The following ARHGEF9 variants were observed in gnomAD, a reference collection of about 807,000 sequenced individuals.
ARHGEF9 encodes the protein rho guanine nucleotide exchange factor 9.
A neutral mutation model predicts 41.3 loss-of-function variants in ARHGEF9; 2 were observed. The ratio of observed to expected loss-of-function variants is 0.05; its 90% CI spans 0.02 to 0.15. The LOEUF is 0.15. Ranked by LOEUF, ARHGEF9 falls within the 10% of genes least tolerant of loss-of-function variation. The pLI, the probability that ARHGEF9 is intolerant of heterozygous loss-of-function variation, is 1.00. For missense variants in ARHGEF9, 225 were observed against 424.7 expected, an observed-to-expected ratio of 0.53 and a Z score of 4.13; for synonymous variants, 160 against 154.4, an observed-to-expected ratio of 1.04 and a Z score of -0.27.
chrX:63,715,951 G>A (rs1443632608), intron 2 of ARHGEF9: 4 of 111,969 alleles, frequency 3.6e-5, no homozygotes, highest in Non-Finnish European at 7.5e-5. Context: ...ACTTTAAAAT[G>A]ATTGAAATGG....
intron 8 of ARHGEF9, among the ~76,000 whole-genome samples, chrX:63,645,212 T>A (rs1209137651): frequency 9.0e-6 from 1 of 110,722 alleles, no homozygotes; most frequent in African/African-American, 3.3e-5. Context: ...GAAAATATAC[T>A]CTAAAATGAT....
chrX:63,699,337 C>G (rs1192034285), intron 3 of ARHGEF9, among the ~76,000 whole-genome samples: 1 of 111,669 alleles, frequency 9.0e-6, no homozygotes, highest in Non-Finnish European at 1.9e-5. Context: ...CAGAAGAGGG[C>G]AGCGTAGATA....
chrX:63,783,978 AG>A (rs1280514519), intron 1 of ARHGEF9, among the ~76,000 whole-genome samples: 4 of 112,018 alleles, frequency 3.6e-5, no homozygotes, highest in Non-Finnish European at 5.6e-5. Context: ...ACTCTGAGGA[AG>A]GGAAGAGGAC....
At chrX:63,774,532 C>T (rs1267992327) in intron 1 of ARHGEF9, among the ~76,000 whole-genome samples, 12 of 111,436 alleles carry the variant, frequency 1.1e-4, no homozygotes, top group African/African-American at 3.9e-4. Flanking sequence ...GCCAGAATTA[C>T]AGGCTCCAGC....
chrX:63,700,664 C>T (rs1556394457), intron 3 of ARHGEF9, among the ~76,000 whole-genome samples: 1 of 111,188 alleles, frequency 9.0e-6, no homozygotes, highest in Admixed American at 9.6e-5. Flanking sequence ...GAAAATAGCA[C>T]ACAGCCAGAG....
chrX:63,776,969 G>GACTGTACT (rs1556458931), intron 1 of ARHGEF9, among the ~76,000 whole-genome samples: 1 of 111,676 alleles, frequency 9.0e-6, no homozygotes, highest in East Asian at 2.8e-4. Flanking sequence ...TCAGGGCTGA[G>GACTGTACT]ACTGTACTAC....
At chrX:63,670,785 A>G (rs1279467920) in intron 6 of ARHGEF9, among the ~76,000 whole-genome samples, 3 of 111,789 alleles carry the variant, frequency 2.7e-5, no homozygotes, top group African/African-American at 9.8e-5. Context: ...CATCCATTTG[A>G]TTTTCAGGAG....
chrX:63,755,377 G>A (rs2055897491), intron 1 of ARHGEF9: 4 of 408,404 alleles, frequency 9.8e-6, no homozygotes, highest in African/African-American at 2.6e-5. Context: ...GGGGTGGGGA[G>A]CTTCTTGGGG....
intron 5 of ARHGEF9, among the ~76,000 whole-genome samples, chrX:63,678,036 T>C (rs1205569157): frequency 9.0e-6 from 1 of 111,453 alleles, no homozygotes; most frequent in African/African-American, 3.3e-5. Flanking sequence ...GGTTCGTTTT[T>C]GGATTGATGC....
At chrX:63,767,075 T>C in intron 1 of ARHGEF9, 2 of 998,902 alleles carry the variant, frequency 2.0e-6, no homozygotes, top group Non-Finnish European at 2.8e-6. Context: ...TGATCCACTT[T>C]AACAACCCTA....
chrX:63,704,541 T>C (rs2052403216), intron 3 of ARHGEF9, among the ~76,000 whole-genome samples: 1 of 111,667 alleles, frequency 9.0e-6, no homozygotes, highest in South Asian at 3.7e-4. Flanking sequence ...GCATCAGCCA[T>C]TGATGTGAAG....
chrX:63,724,211 G>A (rs1227890599), intron 2 of ARHGEF9, among the ~76,000 whole-genome samples: 1 of 110,980 alleles, frequency 9.0e-6, no homozygotes, highest in Non-Finnish European at 1.9e-5. Context: ...AGCAATATAG[G>A]GTTAAAAAGT....
chrX:63,782,169 AT>A (rs1169166253), intron 1 of ARHGEF9, among the ~76,000 whole-genome samples: 1 of 111,459 alleles, frequency 9.0e-6, no homozygotes, highest in Non-Finnish European at 1.9e-5. Flanking sequence ...AAAGTGAGGA[AT>A]TTTTTTTCAT....
chrX:63,679,533 GAAT>G (rs1427152920), intron 4 of ARHGEF9, among the ~76,000 whole-genome samples: 1 of 111,372 alleles, frequency 9.0e-6, no homozygotes, highest in Non-Finnish European at 1.9e-5. Context: ...CACATAAAAA[GAAT>G]AATATACCAT....
chrX:63,761,965 T>G (rs782098011), intron 1 of ARHGEF9, among the ~76,000 whole-genome samples: 6 of 111,629 alleles, frequency 5.4e-5, no homozygotes, highest in Non-Finnish European at 1.1e-4. Flanking sequence ...AAAAGCCCCT[T>G]TAGAGGAAGT....
intron 4 of ARHGEF9, among the ~76,000 whole-genome samples, chrX:63,681,968 G>A (rs782280583): frequency 3.1e-4 from 34 of 109,912 alleles, no homozygotes; most frequent in Non-Finnish European, 4.0e-4. Flanking sequence ...AACCTACCAA[G>A]ATTGAATCAA....
chrX:63,651,486 A>G (rs1446508136), intron 8 of ARHGEF9, among the ~76,000 whole-genome samples: 1 of 111,634 alleles, frequency 9.0e-6, no homozygotes, highest in Non-Finnish European at 1.9e-5. Flanking sequence ...TAAATGATTT[A>G]TTTAATAAAT....
intron 6 of ARHGEF9, chrX:63,670,296 A>G (rs1556353719): frequency 9.0e-6 from 1 of 111,706 alleles, no homozygotes; most frequent in East Asian, 2.8e-4. Flanking sequence ...TCCCAGGAGT[A>G]TGCCTCATCA....
chrX:63,681,638 C>T (rs1369680292), intron 4 of ARHGEF9, among the ~76,000 whole-genome samples: 1 of 110,112 alleles, frequency 9.1e-6, no homozygotes, highest in Non-Finnish European at 1.9e-5. Context: ...TAAAAAAAAT[C>T]TGAAATAAAC....
Sources: gnomAD v4.1 joint callset for allele counts (sites outside exome capture counted in the v4.1 genomes callset) on GRCh38, gnomAD v4.1.1 for gene constraint, MANE v1.5 for transcripts, NCBI Gene and HGNC (gene_info 2026-07-23, HGNC 2026-07-21) for gene names.